The following BPTF variants were observed in gnomAD, a reference collection of about 807,000 sequenced individuals.
BPTF encodes bromodomain PHD finger transcription factor, also known as nucleosome-remodeling factor subunit BPTF.
In BPTF, 18 loss-of-function variants were observed where a neutral mutation model predicts 292.5. The ratio of observed to expected loss-of-function variants is 0.06; its 90% CI spans 0.04 to 0.09. The LOEUF (loss-of-function observed/expected upper bound fraction) is 0.09. BPTF is among the 10% of genes least tolerant of loss of function. The pLI is 1.00. For synonymous variants in BPTF, 1,225 were observed against 1,251.9 expected (o/e 0.98, Z 0.45); for missense variants, 2,726 against 3,498.7 (o/e 0.78, Z 5.57).
chr17:67,969,959 C>T (rs909043296), intron 26 of BPTF, among the ~76,000 whole-genome samples: 1 of 151,992 alleles, frequency 6.6e-6, no homozygotes, highest in Non-Finnish European at 1.5e-5. Flanking sequence ...AATGGCTGGG[C>T]GCAGTGGCTC....
Position 67,910,944 on chromosome 17 carries a change from T to C in BPTF, c.3060T>C (p.Asp1020=). ...PCKEEPMEVD[D]DMKTESHVNC... is the part of the protein sequence containing the mutation. ...AGGAAGAACCAATGGAAGTAGACGA[T>C]GACATGAAAACAGAGTCACATGTAA... is the stretch of plus-strand genomic sequence containing the variant. The change falls in exon 11 of 28, where the codon GAT becomes GAC. Residue 1020 remains aspartate, a synonymous_variant. Coordinates refer to ENST00000306378, the MANE Select transcript of BPTF (RefSeq NM_182641.4). 4 of 1,614,008 alleles carry C rather than the reference T, an allele frequency of 2.5e-6. No individual in the cohort carries two copies. Among genetic ancestry groups the C allele is most frequent in the Middle Eastern group, 3.3e-4 (2 of 6,062 alleles).
intron 9 of BPTF, 62 bp downstream of exon 9, chr17:67,904,902 G>T: frequency 7.5e-7 from 1 of 1,324,962 alleles, no homozygotes. Flanking sequence ...TTATAAATTT[G>T]TAGTATTTTG....
chr17:67,905,309 G>A (rs533117981), intron 9 of BPTF, among the ~76,000 whole-genome samples: 29 of 152,174 alleles, frequency 1.9e-4, no homozygotes, highest in African/African-American at 7.0e-4. Context: ...TGAGGAGGCT[G>A]AGGCAGGAGA....
In BPTF at chr17:67,948,319, A is replaced by G. The variant is rs1404308138; in HGVS notation, c.7926+13A>G. 1.2e-6 allele frequency: 2 copies of G among 1,600,354 alleles called. No individual in the cohort carries two copies. The highest frequency in any genetic ancestry group is 2.7e-5 in the African/African-American group (2 of 74,612). On this transcript the variant is annotated intron_variant, in intron 23 of 27. Coordinates refer to ENST00000306378, the MANE Select transcript of BPTF (RefSeq NM_182641.4). ...AATTGAAGTGCAGGTAAGAGGGCAC[A>G]TCCTTTTCTTCTGTGTCCAGTGTTT...
chr17:67,961,207 C>T (rs1451268415), intron 24 of BPTF, among the ~76,000 whole-genome samples: 5 of 152,198 alleles, frequency 3.3e-5, no homozygotes, highest in Non-Finnish European at 7.3e-5. Context: ...GAAATACCTA[C>T]ATTGCATAAA....
At chr17:67,971,223 C>T (rs893593486) in intron 26 of BPTF, among the ~76,000 whole-genome samples, 1 of 152,154 alleles carries the variant, frequency 6.6e-6, no homozygotes, top group Admixed American at 6.5e-5. Context: ...GGATTACAGG[C>T]ATGCGCCACC....
Position 67,912,642 on chromosome 17 carries a change from A to T in BPTF, c.4758A>T (p.Thr1586=). 3.1e-6 allele frequency: 5 copies of T among 1,614,092 alleles called. No homozygotes were observed. Among genetic ancestry groups the T allele is most frequent in the East Asian group, 2.2e-5 (1 of 44,894 alleles). ...NGESKRKTVI[T]EVTTMTSTVA... ...AATCTAAAAGAAAAACCGTCATCAC[A>T]GAAGTCACCACGATGACCTCCACAG... Residue 1586 remains threonine (T), a synonymous_variant, in exon 11 of 28, where the codon ACA becomes ACT. Coordinates refer to ENST00000306378, the MANE Select transcript of BPTF (RefSeq NM_182641.4).
intron 27 of BPTF, among the ~76,000 whole-genome samples, chr17:67,978,970 A>G (rs1275020102): frequency 6.6e-6 from 1 of 151,696 alleles, no homozygotes; most frequent in Admixed American, 6.6e-5. Context: ...GAGCCCAGGA[A>G]TTCTAGACCA....
chr17:67,917,131 C>CTTTTTTTTTTTTTTTTTTTTTTTTTTT lies in BPTF; in HGVS notation c.5304-1564_5304-1563insTTTTTTTTTTTTTTTTTTTTTTTTTTT, dbSNP rs943348736. Reference sequence around the variant, plus strand: ...GATAAGTAACTAATATGGTATTGTCCTTTTTTTTTTTTTTTTTTTGAGATA... The same window carrying CTTTTTTTTTTTTTTTTTTTTTTTTTTT: ...GATAAGTAACTAATATGGTATTGTCCTTTTTTTTTTTTTTTTTTTTTTTTTTTTTTTTTTTTTTTTTTTTTTGAGATA... On this transcript the variant is annotated intron_variant, in intron 11 of 27. Transcript: ENST00000306378. Among the ~76,000 whole-genome samples, 38 of 105,790 alleles carry CTTTTTTTTTTTTTTTTTTTTTTTTTTT rather than the reference C, an allele frequency of 3.6e-4. 3 individuals are homozygous for CTTTTTTTTTTTTTTTTTTTTTTTTTTT. The highest frequency in any genetic ancestry group is 2.4e-3 in the East Asian group (6 of 2,450). 69.4% of individuals were successfully genotyped at this position (105,790 alleles called of 152,430 possible).
chr17:67,917,654 CAG>C (rs1282942240), intron 11 of BPTF, among the ~76,000 whole-genome samples: 3 of 151,582 alleles, frequency 2.0e-5, no homozygotes, highest in Admixed American at 6.6e-5. Flanking sequence ...AATTTAGAGA[CAG>C]AGTTTCACTC....
intron 11 of BPTF, among the ~76,000 whole-genome samples, chr17:67,917,707 A>G (rs1598641240): frequency 6.6e-6 from 1 of 152,096 alleles, no homozygotes; most frequent in African/African-American, 2.4e-5. Context: ...ATCTTGGCTC[A>G]CTGCAGCCTC....
chr17:67,964,132 A>G, intron 24 of BPTF, 80 bp from the exon 25 acceptor site: 1 of 1,447,034 alleles, frequency 6.9e-7, no homozygotes. Flanking sequence ...AGGGTTTAGC[A>G]AATTTTCAGG....
At chr17:67,886,311 A>C in intron 4 of BPTF, 2 of 1,607,616 alleles carry the variant, frequency 1.2e-6, no homozygotes, top group Non-Finnish European at 1.7e-6. Flanking sequence ...ATTCAGGAAG[A>C]GATAGGTAAG....
chr17:67,956,267 C>T (rs1222862311), intron 23 of BPTF: 14 of 134,730 alleles, frequency 1.0e-4, no homozygotes, highest in African/African-American at 3.5e-4. Context: ...TGCAGTGAGC[C>T]GAGATTGCGC....
At chr17:67,950,283 A>T (rs2066225171) in intron 23 of BPTF, among the ~76,000 whole-genome samples, 1 of 151,910 alleles carries the variant, frequency 6.6e-6, no homozygotes, top group African/African-American at 2.4e-5. Flanking sequence ...CAAAAAAAGA[A>T]GATGAGAAAT....
At chr17:67,861,804 A>C (rs2059099028) in intron 2 of BPTF, among the ~76,000 whole-genome samples, 1 of 152,214 alleles carries the variant, frequency 6.6e-6, no homozygotes, top group African/African-American at 2.4e-5. Context: ...ATAAAAAGCA[A>C]ACCAAAGCAC....
At chr17:67,976,712 AAAAT>A (rs1568232779) in intron 27 of BPTF, among the ~76,000 whole-genome samples, 1 of 130,422 alleles carries the variant, frequency 7.7e-6, no homozygotes, top group African/African-American at 2.9e-5. Flanking sequence ...AAAAAAAAAA[AAAAT>A]AAGAATAAAA....
chr17:67,889,932 T>C (rs6504548), intron 4 of BPTF, among the ~76,000 whole-genome samples: 51,926 of 152,086 alleles, frequency 0.34, 11,222 homozygotes, highest in East Asian at 0.67. Flanking sequence ...AGATGCTCAG[T>C]ACCCTCTCTC....
At chr17:67,945,310 G>A in intron 20 of BPTF, 99 bp from the exon 21 acceptor site, 3 of 1,521,930 alleles carry the variant, frequency 2.0e-6, no homozygotes, top group Non-Finnish European at 2.6e-6. Flanking sequence ...ACCACGCCTG[G>A]CCAGAATTCT....
Sources: allele counts gnomAD v4.1 joint callset (sites outside exome capture counted in the v4.1 genomes callset), GRCh38; gene constraint gnomAD v4.1.1; transcripts MANE v1.5; gene names NCBI Gene and HGNC (gene_info 2026-07-23, HGNC 2026-07-21).